Variants in MICAL3 observed in about 807,000 individuals in gnomAD.
MICAL3 encodes the protein [F-actin]-monooxygenase MICAL3.
In MICAL3, 62 loss-of-function variants were observed where a neutral mutation model predicts 207.4. That is an observed-to-expected ratio of 0.30 (90% CI 0.24 to 0.37). The LOEUF is 0.37. MICAL3 is among the 10% of genes least tolerant of loss of function. The pLI is 1.00. For synonymous variants in MICAL3, 1,077 were observed against 1,069.3 expected (o/e 1.01, Z -0.14); for missense variants, 2,368 against 2,635.6 (o/e 0.90, Z 2.22).
chr22:17,860,736 C>A (rs901590355), intron 19 of MICAL3: 19 of 985,284 alleles, frequency 1.9e-5, no homozygotes, highest in Non-Finnish European at 2.2e-5. Context: ...GCTCTTGGGG[C>A]CCTTTCTTGG....
At chr22:17,799,824 T>C (rs2061917925) in intron 29 of MICAL3, among the ~76,000 whole-genome samples, 1 of 151,964 alleles carries the variant, frequency 6.6e-6, no homozygotes, top group African/African-American at 2.4e-5. Context: ...ACAGACTTAA[T>C]GCAGAGATAA....
At chr22:17,864,765 G>T (rs771692934) in intron 19 of MICAL3, 134 bp downstream of exon 19, 81 of 1,613,840 alleles carry the variant, frequency 5.0e-5, no homozygotes, top group Admixed American at 2.5e-4. Context: ...TGAAAAAGGA[G>T]TCCAGAGGGT....
At chr22:17,833,190 C>T (rs1438771305) in intron 20 of MICAL3, among the ~76,000 whole-genome samples, 1 of 152,258 alleles carries the variant, frequency 6.6e-6, no homozygotes, top group Non-Finnish European at 1.5e-5. Context: ...AAACCGGGTT[C>T]CTTGCAACCT....
intron 1 of MICAL3, among the ~76,000 whole-genome samples, chr22:17,965,676 C>T (rs1383344412): frequency 3.9e-5 from 6 of 152,222 alleles, no homozygotes; most frequent in African/African-American, 1.4e-4. Flanking sequence ...AGAGCTGACA[C>T]CTGATCCCAG....
Position 17,821,407 on chromosome 22 carries a change from A to G in MICAL3, c.3531+20T>C, listed in dbSNP as rs2146018675. 1 of 1,538,158 alleles carries G rather than the reference A, an allele frequency of 6.5e-7. No individual in the cohort carries two copies. Among genetic ancestry groups the G allele is most frequent in the East Asian group, 2.5e-5 (1 of 39,408 alleles). On this transcript the variant is annotated intron_variant, in intron 25 of 31. Coordinates refer to ENST00000441493, the MANE Select transcript of MICAL3 (RefSeq NM_015241.3). ...GTCCCATTAGTTCTCTGTACCCCAC[A>G]GCGAGCCCCAAACCCTTACCTCTGT...
chr22:17,904,381 A>C (rs570961303), intron 3 of MICAL3, among the ~76,000 whole-genome samples: 2 of 152,336 alleles, frequency 1.3e-5, no homozygotes, highest in Admixed American at 6.5e-5. Context: ...GACCTAACAG[A>C]AATCCTCAAG....
rs914349782 is a variant in MICAL3, at chr22:17,787,774, G to C, written c.*2958C>G. 2.0e-5 allele frequency: 3 copies of C among 152,222 alleles called. No individual in the cohort carries two copies. The highest frequency in any genetic ancestry group is 1.3e-4 in the Admixed American group (2 of 15,290). The allele number at this position is 152,222 out of a possible 1,614,324, so 9.4% of individuals were successfully genotyped here. On this transcript the variant is annotated 3_prime_UTR_variant, in exon 32 of 32. Coordinates refer to ENST00000441493, the MANE Select transcript of MICAL3 (RefSeq NM_015241.3). ...CCCACTGAAAAATTTATTTTGAAAG[G>C]GTTAAGAAGAGTCTATCATTGCTGG...
intron 9 of MICAL3, 92 bp downstream of exon 9, chr22:17,896,151 AAAG>A (rs1930807023): frequency 1.1e-5 from 7 of 641,022 alleles, no homozygotes; most frequent in Non-Finnish European, 1.9e-5. Context: ...GAAGGCAGAG[AAAG>A]AAGAAGGAAG....
At chr22:17,954,681 A>G (rs1934525078) in intron 1 of MICAL3, among the ~76,000 whole-genome samples, 1 of 152,128 alleles carries the variant, frequency 6.6e-6, no homozygotes, top group Admixed American at 6.5e-5. Flanking sequence ...GAACAAACAG[A>G]GCAGCAGAAT....
Position 17,818,440 on chromosome 22 carries a change from CG to C in MICAL3, c.4220del (p.Pro1407ArgfsTer31). The stretch of plus-strand genomic sequence containing the variant: ...GGGCGCTGCGTAGCTCTCTGTCGGA[CG>C]GGGACCGGGGGGTTGGCAGGGACAA... ...EPLSLPTPRS[P>X]SDRELRSAQE... On this transcript the variant is annotated frameshift_variant, in exon 26 of 32. Coordinates refer to ENST00000441493, the MANE Select transcript of MICAL3 (RefSeq NM_015241.3). LOFTEE classifies it high-confidence loss of function. 6.2e-7 allele frequency: 1 copy of C among 1,612,792 alleles called. No homozygotes were observed. Among genetic ancestry groups the C allele is most frequent in the Non-Finnish European group, 8.5e-7 (1 of 1,179,884 alleles).
At chr22:17,843,660 T>TA (rs1306329447) in intron 19 of MICAL3, among the ~76,000 whole-genome samples, 4 of 152,186 alleles carry the variant, frequency 2.6e-5, no homozygotes, top group Admixed American at 2.6e-4. Flanking sequence ...CTCTTCCACT[T>TA]AACGCCTGCC....
chr22:17,870,655 A>G (rs1927634217), intron 17 of MICAL3, among the ~76,000 whole-genome samples: 2 of 152,208 alleles, frequency 1.3e-5, no homozygotes, highest in African/African-American at 2.4e-5. Context: ...TCCCTCTGCC[A>G]GGCCCCATCC....
intron 1 of MICAL3, among the ~76,000 whole-genome samples, chr22:18,000,569 G>C (rs114081914): frequency 6.6e-6 from 1 of 152,194 alleles, no homozygotes; most frequent in African/African-American, 2.4e-5. Flanking sequence ...GTCTCGCTGC[G>C]GCTGGCTTTC....
intron 9 of MICAL3, 30 bp from the exon 10 acceptor site, chr22:17,895,440 C>T (rs759785298): frequency 3.1e-6 from 5 of 1,611,238 alleles, no homozygotes; most frequent in African/African-American, 1.3e-5. Context: ...TACTCAGAAT[C>T]GGGACCAGCA....
rs541473172 is a variant in MICAL3 at position 17,856,778 on chromosome 22, C to T, written c.2605+8121G>A. On this transcript the variant is annotated intron_variant, in intron 19 of 31. Transcript: ENST00000441493. Reference sequence around the variant, plus strand: ...CTGGGACTACAGGCGCCCGCCACCGCGCCCAGCTAATTTTTTGTATTTTTA... The same window carrying T: ...CTGGGACTACAGGCGCCCGCCACCGTGCCCAGCTAATTTTTTGTATTTTTA... Among the ~76,000 whole-genome samples, 533 of 151,878 alleles carry T rather than the reference C, an allele frequency of 3.5e-3. 2 individuals are homozygous for T. Among genetic ancestry groups the T allele is most frequent in the African/African-American group, 0.012 (512 of 41,344 alleles).
chr22:17,947,743 A>AAT (rs1556447581), intron 1 of MICAL3, among the ~76,000 whole-genome samples: 1 of 151,356 alleles, frequency 6.6e-6, no homozygotes, highest in African/African-American at 2.4e-5. Flanking sequence ...ATTTTCTTAA[A>AAT]TTTTTTGTAG....
intron 1 of MICAL3, among the ~76,000 whole-genome samples, chr22:17,970,439 T>TCC (rs1935357175): frequency 1.3e-5 from 2 of 152,098 alleles, no homozygotes; most frequent in African/African-American, 4.8e-5. Context: ...GGCCCACTGG[T>TCC]TGGAGGCCCC....
intron 12 of MICAL3, among the ~76,000 whole-genome samples, chr22:17,890,132 C>T (rs7288300): frequency 0.022 from 3,425 of 152,270 alleles, 134 homozygotes; most frequent in African/African-American, 0.078. Context: ...GAAGACTGAT[C>T]GCATTCTTCT....
At chr22:17,968,980 CAA>C (rs1935281595) in intron 1 of MICAL3, among the ~76,000 whole-genome samples, 1 of 152,180 alleles carries the variant, frequency 6.6e-6, no homozygotes, top group Non-Finnish European at 1.5e-5. Context: ...CCCCAACACA[CAA>C]AGTCAAAAAT....
Sources: allele counts gnomAD v4.1 joint callset (sites outside exome capture counted in the v4.1 genomes callset), GRCh38; gene constraint gnomAD v4.1.1; transcripts MANE v1.5; gene names NCBI Gene and HGNC (gene_info 2026-07-23, HGNC 2026-07-21).